The following CACNG2 variants were observed in gnomAD, a reference collection of about 807,000 sequenced individuals.
The protein encoded by CACNG2 is voltage-dependent calcium channel gamma-2 subunit.
In CACNG2, 3 loss-of-function variants were observed where a neutral mutation model predicts 25.9. The ratio of observed to expected loss-of-function variants is 0.12; its 90% confidence interval spans 0.05 to 0.30. The LOEUF (loss-of-function observed/expected upper bound fraction) is 0.30, where lower values mean the gene tolerates loss of function less well. Among genes scored for constraint, CACNG2 ranks in the 10% least tolerant of loss-of-function variants. The pLI is 1.00. For missense variants in CACNG2, 341 were observed against 432.5 expected (o/e 0.79, Z 1.88); for synonymous variants, 167 against 173.3 (o/e 0.96, Z 0.29).
Position 36,562,272 on chromosome 22 carries a change from T to A in CACNG2, c.*2079A>T, listed in dbSNP as rs1364553437. Reference sequence around the variant, plus strand: ...GGCTTGGTGGCAGCTGTCCTGGTCATCCCTGGCATATCCTCGGGGCAGGTG... The same window carrying A: ...GGCTTGGTGGCAGCTGTCCTGGTCAACCCTGGCATATCCTCGGGGCAGGTG... On this transcript the variant is annotated 3_prime_UTR_variant, in exon 4 of 4. Coordinates refer to ENST00000300105, the MANE Select transcript of CACNG2 (RefSeq NM_006078.5). The A allele has an allele frequency of 6.6e-6, 1 of 152,482 alleles. No homozygotes were observed. The highest frequency in any genetic ancestry group is 1.5e-5 in the Non-Finnish European group (1 of 68,658). 9.4% of individuals were successfully genotyped at this position (152,482 alleles called of 1,614,324 possible).
chr22:36,609,789 GA>G (rs1351624251), intron 1 of CACNG2, among the ~76,000 whole-genome samples: 2 of 150,324 alleles, frequency 1.3e-5, no homozygotes, highest in Non-Finnish European at 3.0e-5. Flanking sequence ...CCCAGAATGT[GA>G]TCAGGCAGGA....
chr22:36,670,435 C>A (rs764629625), intron 1 of CACNG2, among the ~76,000 whole-genome samples: 1 of 152,072 alleles, frequency 6.6e-6, no homozygotes, highest in African/African-American at 2.4e-5. Flanking sequence ...GAATTTGTAT[C>A]TTTATAAACT....
In CACNG2 at chr22:36,616,627, G is replaced by T. The variant is rs376445284; in HGVS notation, c.212-29079C>A. ...GAATTGATTTTTTTTTTTCTGTATG[G>T]TATGAAGCAGGGGTTGAGATGCATT... On this transcript the variant is annotated intron_variant, in intron 1 of 3. Transcript: ENST00000300105. Among the ~76,000 whole-genome samples, 12 of 151,826 alleles carry T rather than the reference G, an allele frequency of 7.9e-5. No individual in the cohort carries two copies. In the South Asian group the frequency reaches 2.3e-3, roughly 29 times the overall value.
intron 1 of CACNG2, among the ~76,000 whole-genome samples, chr22:36,628,668 T>A (rs929678238): frequency 6.6e-6 from 1 of 152,158 alleles, no homozygotes; most frequent in East Asian, 1.9e-4. Context: ...GTTTCTGGCA[T>A]GAAACTGTCA....
rs532094552 is a variant in CACNG2, at chr22:36,564,297, C to A, written c.*54G>T. 362 of 1,544,370 alleles carry A rather than the reference C, an allele frequency of 2.3e-4. 1 individual carries two copies. In the East Asian group the frequency reaches 6.3e-3, roughly 27 times the overall value. ...GGGTCTGGGTCTCCCCGCCCCGCCCCGCCCCCGGGGACCGCGCCCTCCTCC... is the reference window on the plus strand; with the variant it reads ...GGGTCTGGGTCTCCCCGCCCCGCCCAGCCCCCGGGGACCGCGCCCTCCTCC... On this transcript the variant is annotated 3_prime_UTR_variant, in exon 4 of 4. Coordinates refer to ENST00000300105, the MANE Select transcript of CACNG2 (RefSeq NM_006078.5). This position sits in a 1 kb window ranked among gnomAD's most constrained non-coding sequence, Gnocchi z 6.7.
chr22:36,630,033 G>A (rs1235167396), intron 1 of CACNG2, among the ~76,000 whole-genome samples: 1 of 152,166 alleles, frequency 6.6e-6, no homozygotes, highest in Non-Finnish European at 1.5e-5. Context: ...TGGGGAGAGG[G>A]AACAGCAAGG....
intron 1 of CACNG2, among the ~76,000 whole-genome samples, chr22:36,660,691 T>C (rs1049099943): frequency 5.3e-5 from 8 of 152,356 alleles, no homozygotes; most frequent in Non-Finnish European, 5.9e-5. Flanking sequence ...CACCCAGTTG[T>C]CACCCACAAA....
intron 1 of CACNG2, among the ~76,000 whole-genome samples, chr22:36,627,549 T>G (rs1047456586): frequency 6.6e-6 from 1 of 152,090 alleles, no homozygotes; most frequent in African/African-American, 2.4e-5. Context: ...AATTTTACAT[T>G]CTCAGGCTTA....
In CACNG2 at chr22:36,587,063, G is replaced by T. The variant is rs1348153203; in HGVS notation, c.295+402C>A. Among the ~76,000 whole-genome samples the T allele has an allele frequency of 2.6e-5, 4 of 151,718 alleles. No individual in the cohort carries two copies. The East Asian group carries it at 7.7e-4, about 29-fold the overall frequency. On this transcript the variant is annotated intron_variant, in intron 2 of 3. Transcript: ENST00000300105. ...GAGTGCTTATCACATGCCAAGCACT[G>T]GGCTGAGAATATAATGGTGAATGCT...
intron 1 of CACNG2, among the ~76,000 whole-genome samples, chr22:36,630,655 A>AG (rs1174867532): frequency 1.3e-5 from 2 of 152,170 alleles, no homozygotes; most frequent in African/African-American, 4.8e-5. Context: ...TACAAAGCGA[A>AG]GCAACACTGT....
intron 1 of CACNG2, among the ~76,000 whole-genome samples, chr22:36,670,145 A>G (rs544658242): frequency 6.6e-6 from 1 of 152,350 alleles, no homozygotes; most frequent in African/African-American, 2.4e-5. Context: ...GCAGACATTT[A>G]GTAAACTTTT....
chr22:36,631,987 A>C (rs143745164), intron 1 of CACNG2, among the ~76,000 whole-genome samples: 28 of 152,190 alleles, frequency 1.8e-4, no homozygotes, highest in African/African-American at 6.5e-4. Context: ...GAAAAGTTTT[A>C]TTTTTAATAA....
At chr22:36,618,491 C>G (rs1936058033) in intron 1 of CACNG2, among the ~76,000 whole-genome samples, 1 of 152,222 alleles carries the variant, frequency 6.6e-6, no homozygotes, top group Non-Finnish European at 1.5e-5. Flanking sequence ...TTTCTCTAGT[C>G]CTGACAAGTC....
At chr22:36,602,827 C>A (rs1935774948) in intron 1 of CACNG2, among the ~76,000 whole-genome samples, 1 of 152,198 alleles carries the variant, frequency 6.6e-6, no homozygotes, top group East Asian at 1.9e-4. Context: ...TATGTTCTGA[C>A]TGTTCCACCA....
chr22:36,667,092 C>G (rs1399808615), intron 1 of CACNG2, among the ~76,000 whole-genome samples: 1 of 151,740 alleles, frequency 6.6e-6, no homozygotes, highest in Non-Finnish European at 1.5e-5. Flanking sequence ...AGGGTTCAAG[C>G]AATTCTCCTG....
At chr22:36,659,307 G>A (rs2145982042) in intron 1 of CACNG2, among the ~76,000 whole-genome samples, 1 of 152,236 alleles carries the variant, frequency 6.6e-6, no homozygotes, top group East Asian at 1.9e-4. Flanking sequence ...AGGGCCACGT[G>A]GAGTCAGGGA....
At chr22:36,676,310 CAGA>C (rs1182644902) in intron 1 of CACNG2, among the ~76,000 whole-genome samples, 3 of 152,186 alleles carry the variant, frequency 2.0e-5, no homozygotes, top group African/African-American at 4.8e-5. Flanking sequence ...TTAGCGGTGG[CAGA>C]AGATTATTCT....
At chr22:36,615,145 G>T (rs1231464302) in intron 1 of CACNG2, among the ~76,000 whole-genome samples, 5 of 152,198 alleles carry the variant, frequency 3.3e-5, no homozygotes. Flanking sequence ...GAGAATAAAT[G>T]AATTGAATGA....
At chr22:36,596,410 C>G (rs1426974782) in intron 1 of CACNG2, among the ~76,000 whole-genome samples, 1 of 152,220 alleles carries the variant, frequency 6.6e-6, no homozygotes, top group Non-Finnish European at 1.5e-5. Context: ...GAACGTGTGG[C>G]ATCCTATGAG....
Sources: allele counts gnomAD v4.1 joint callset (sites outside exome capture counted in the v4.1 genomes callset), GRCh38; gene constraint gnomAD v4.1.1; non-coding constraint Gnocchi (gnomAD v3.1); transcripts MANE v1.5; gene names NCBI Gene and HGNC (gene_info 2026-07-23, HGNC 2026-07-21).